Variants in PDE1A observed in about 807,000 individuals in gnomAD.
The protein encoded by PDE1A is phosphodiesterase 1A.
PDE1A carries 35 observed loss-of-function variants against 61.7 expected under a neutral mutation model. The observed-to-expected ratio is 0.57, with a 90% CI of 0.43 to 0.75. PDE1A has a LOEUF of 0.75. Among genes scored for constraint, PDE1A ranks in the 30% least tolerant of loss-of-function variants. The pLI is 0.00. For synonymous variants in PDE1A, 232 were observed against 213.2 expected (o/e 1.09, Z -0.77); for missense variants, 597 against 630.6 (o/e 0.95, Z 0.57).
chr2:182,149,166 CAAGA>C (rs1407626782), intron 13 of PDE1A, among the ~76,000 whole-genome samples: 1 of 152,000 alleles, frequency 6.6e-6, no homozygotes, highest in African/African-American at 2.4e-5. Flanking sequence ...GACTGAATTA[CAAGA>C]AAGAAATAGA....
At chr2:182,624,726 T>C in the PDE1A span, among the ~76,000 whole-genome samples, 2 of 152,196 alleles carry the variant, frequency 1.3e-5, no homozygotes, top group Admixed American at 6.5e-5. Flanking sequence ...ACATTTCTTA[T>C]TGGGCTCTCA....
At chr2:182,658,061 AAAAAAAAAAAAC>A in the PDE1A span, among the ~76,000 whole-genome samples, 11 of 112,986 alleles carry the variant, frequency 9.7e-5, no homozygotes, top group Non-Finnish European at 1.2e-4. Context: ...AAAAAAAAAA[AAAAAAAAAAAAC>A]AAAAAAACTT....
At chr2:182,284,240 T>C (rs576956929) in intron 1 of PDE1A, among the ~76,000 whole-genome samples, 16 of 152,274 alleles carry the variant, frequency 1.1e-4, no homozygotes, top group Non-Finnish European at 2.1e-4. Flanking sequence ...TTTCAAGAAA[T>C]TGTCAGATGA....
At chr2:182,286,715 CA>C (rs763563281) in intron 1 of PDE1A, among the ~76,000 whole-genome samples, 1 of 152,108 alleles carries the variant, frequency 6.6e-6, no homozygotes, top group Non-Finnish European at 1.5e-5. Context: ...AAGTGGTGCT[CA>C]TAGCTTCCAC....
the PDE1A span, among the ~76,000 whole-genome samples, chr2:182,561,733 G>A: frequency 6.6e-6 from 1 of 151,860 alleles, no homozygotes; most frequent in Non-Finnish European, 1.5e-5. Flanking sequence ...TTATTTCCTT[G>A]AGCAGTGGTT....
At chr2:182,447,746 C>A (rs1685239933) in intron 2 of PDE1A, among the ~76,000 whole-genome samples, 1 of 152,046 alleles carries the variant, frequency 6.6e-6, no homozygotes, top group South Asian at 2.1e-4. Context: ...TTTCTTATGT[C>A]CATGACACAT....
At chr2:182,245,938 C>T (rs372901434) in intron 2 of PDE1A, among the ~76,000 whole-genome samples, 3 of 152,174 alleles carry the variant, frequency 2.0e-5, no homozygotes, top group Non-Finnish European at 2.9e-5. Flanking sequence ...CCACCTGTAA[C>T]GAATGAGCCA....
intron 1 of PDE1A, among the ~76,000 whole-genome samples, chr2:182,333,582 T>C (rs374340041): frequency 2.0e-5 from 3 of 151,902 alleles, no homozygotes; most frequent in East Asian, 1.9e-4. Context: ...GGTAAAGCAG[T>C]GTTTAGAGGG....
At chr2:182,177,133 T>C (rs1684308483) in intron 13 of PDE1A, among the ~76,000 whole-genome samples, 1 of 150,786 alleles carries the variant, frequency 6.6e-6, no homozygotes, top group African/African-American at 2.4e-5. Flanking sequence ...TCAAGGATAT[T>C]GGTCTAAAAT....
the PDE1A span, among the ~76,000 whole-genome samples, chr2:182,555,965 C>CAAAA: frequency 3.1e-4 from 15 of 48,436 alleles, 2 homozygotes; most frequent in Admixed American, 8.3e-4. Flanking sequence ...AACTCCATCT[C>CAAAA]AAAAAAAAAA....
the PDE1A span, among the ~76,000 whole-genome samples, chr2:182,693,444 T>C: frequency 2.0e-5 from 3 of 152,228 alleles, no homozygotes; most frequent in Non-Finnish European, 2.9e-5. Flanking sequence ...CAGCCTTTTA[T>C]GTGCTTGCAG....
At chr2:182,421,369 C>A (rs1022535808) in intron 1 of PDE1A, among the ~76,000 whole-genome samples, 3 of 152,120 alleles carry the variant, frequency 2.0e-5, no homozygotes, top group African/African-American at 7.2e-5. Context: ...TTTAATCGTA[C>A]CCTGTTCCTG....
intron 13 of PDE1A, among the ~76,000 whole-genome samples, chr2:182,152,692 A>ATTACAG (rs1379874596): frequency 6.6e-6 from 1 of 152,158 alleles, no homozygotes; most frequent in Non-Finnish European, 1.5e-5. Flanking sequence ...AAGTGCTGGG[A>ATTACAG]TTACAGGTGT....
At chr2:182,347,234 T>C (rs749135567) in intron 1 of PDE1A, among the ~76,000 whole-genome samples, 2 of 152,106 alleles carry the variant, frequency 1.3e-5, no homozygotes, top group Non-Finnish European at 2.9e-5. Flanking sequence ...CAGATCTCTC[T>C]TTGATAAGTA....
intron 1 of PDE1A, among the ~76,000 whole-genome samples, chr2:182,289,505 A>G (rs1176240863): frequency 6.6e-6 from 1 of 152,122 alleles, no homozygotes; most frequent in Non-Finnish European, 1.5e-5. Context: ...CTAGGGCTAG[A>G]CATCACTCCC....
At chr2:182,459,671 G>C (rs1331284583) in intron 2 of PDE1A, among the ~76,000 whole-genome samples, 1 of 152,112 alleles carries the variant, frequency 6.6e-6, no homozygotes, top group Non-Finnish European at 1.5e-5. Flanking sequence ...TTGCCAGGAA[G>C]TGAAGAAGGA....
In PDE1A at chr2:182,302,432, C is replaced by A. The variant is rs147990224; in HGVS notation, c.54-38018G>T. On this transcript the variant is annotated intron_variant, in intron 1 of 13. Coordinates refer to ENST00000351439, the Ensembl canonical transcript of PDE1A. ...TTATGTTTGTACTACACTGTAATCTCTTAAGTGTGCAACAACATTATGCAT... is the reference window on the plus strand; with the variant it reads ...TTATGTTTGTACTACACTGTAATCTATTAAGTGTGCAACAACATTATGCAT... 6.6e-4 allele frequency among the ~76,000 whole-genome samples: 101 copies of A among 152,296 alleles called. No homozygotes were observed. The East Asian group carries it at 0.017, about 26-fold the overall frequency.
At chr2:182,343,766 G>T (rs1393529220) in intron 1 of PDE1A, among the ~76,000 whole-genome samples, 2 of 151,870 alleles carry the variant, frequency 1.3e-5, no homozygotes, top group Non-Finnish European at 2.9e-5. Flanking sequence ...TTTATCTCTG[G>T]CAAGAATATC....
chr2:182,495,515 A>G (rs1688659385), intron 2 of PDE1A, among the ~76,000 whole-genome samples: 1 of 152,204 alleles, frequency 6.6e-6, no homozygotes, highest in Admixed American at 6.5e-5. Flanking sequence ...TTTAGTCTTC[A>G]TAGTGTTGAC....
Sources: gnomAD v4.1 joint callset for allele counts (sites outside exome capture counted in the v4.1 genomes callset) on GRCh38, gnomAD v4.1.1 for gene constraint, MANE v1.5 for transcripts, NCBI Gene and HGNC (gene_info 2026-07-23, HGNC 2026-07-21) for gene names.